The following VGF variants were observed in gnomAD, a reference collection of about 807,000 sequenced individuals.
The protein encoded by VGF is neurosecretory protein VGF.
In VGF, 13 loss-of-function variants were observed where a neutral mutation model predicts 41.1. That is an observed-to-expected ratio of 0.32 (90% CI 0.21 to 0.50). VGF has a LOEUF of 0.50. Among genes scored for constraint, VGF ranks in the 20% least tolerant of loss-of-function variants. The probability of loss-of-function intolerance (pLI) is 0.98; values close to 1 mark genes in which losing one functional copy is unlikely to be tolerated. For synonymous variants in VGF, 473 were observed against 418.3 expected (o/e 1.13, Z -1.60); for missense variants, 920 against 882.1 (o/e 1.04, Z -0.54).
At position 101,164,709 on chromosome 7, in the gene VGF, C is replaced by T. The variant is rs780902669; in HGVS notation, c.135G>A (p.Gly45=). 2.4e-5 allele frequency: 39 copies of T among 1,608,076 alleles called. No homozygotes were observed. The Admixed American group carries it at 6.6e-4, about 27-fold the overall frequency. Residue 45 remains glycine, a synonymous_variant, in exon 2 of 2, where the codon GGG becomes GGA. Transcript: ENST00000249330. ...LSSEHKEPVA[G]DAVPGPKDGS... is the part of the protein sequence containing the mutation. ...CATCCTTTGGCCCGGGCACTGCGTC[C>T]CCGGCTACCGGCTCTTTATGCTCAG...
At position 101,164,137 on chromosome 7, in the gene VGF, G is replaced by A; in HGVS notation, c.707C>T (p.Pro236Leu). 1 of 1,504,274 alleles carries A rather than the reference G, an allele frequency of 6.6e-7. No individual in the cohort carries two copies. The highest frequency in any genetic ancestry group is 1.4e-5 in the African/African-American group (1 of 71,780). The allele number at this position is 1,504,274 out of a possible 1,614,324, so 93.2% of individuals were successfully genotyped here. Residue 236 changes from proline to leucine, a missense_variant, in exon 2 of 2, where the codon CCC becomes CTC. By Grantham distance (98) the Pro-to-Leu change is moderately conservative. Transcript: ENST00000249330. ...PAPSQFQARMPDSGPLPETHK... is the reference protein window; with the variant it reads ...PAPSQFQARMLDSGPLPETHK... Reference sequence around the variant, plus strand: ...GGTTTCGGGAAGGGGCCCGCTGTCGGGCATACGCGCCTGGAATTGAGAGGG... The same window carrying A: ...GGTTTCGGGAAGGGGCCCGCTGTCGAGCATACGCGCCTGGAATTGAGAGGG...
rs1797143951 is a variant in VGF, at chr7:101,163,228, G to T, written c.1616C>A (p.Pro539Gln). 2 of 1,537,730 alleles carry T rather than the reference G, an allele frequency of 1.3e-6. No homozygotes were observed. The highest frequency in any genetic ancestry group is 1.7e-6 in the Non-Finnish European group (2 of 1,146,584). Reference sequence around the variant, plus strand: ...GGGGAAAGGGTGGTACGGCCCTGGCGGGTACACCTCGTCCTCCTCCCGATC... The same window carrying T: ...GGGGAAAGGGTGGTACGGCCCTGGCTGGTACACCTCGTCCTCCTCCCGATC... The part of the protein sequence containing the change: ...PWDREEDEVY[P>Q]PGPYHPFPNY... The change falls in exon 2 of 2, where the codon CCG becomes CAG. Residue 539 changes from proline (P) to glutamine (Q), a missense_variant. Transcript: ENST00000249330. This position sits in a 1 kb window ranked among gnomAD's most constrained non-coding sequence, Gnocchi z 5.0.
chr7:101,163,236 C>G lies in VGF; in HGVS notation c.1608G>C (p.Glu536Asp), dbSNP rs774208457. The G allele has an allele frequency of 4.6e-6, 7 of 1,530,068 alleles. No homozygotes were observed. Among genetic ancestry groups the G allele is most frequent in the Non-Finnish European group, 6.1e-6 (7 of 1,142,766 alleles). 94.8% of individuals were successfully genotyped at this position (1,530,068 alleles called of 1,614,324 possible). The change falls in exon 2 of 2, where the codon GAG becomes GAC. Residue 536 changes from glutamate to aspartate, a missense_variant. Glu to Asp is a conservative substitution (Grantham distance 45, BLOSUM62 2). This residue lies in a region of VGF where 257 missense variants were observed against 217.2 expected (regional missense o/e 1.18). Coordinates refer to ENST00000249330, the MANE Select transcript of VGF (RefSeq NM_003378.4). The surrounding 1 kb of genome is among the most constrained non-coding windows in gnomAD (Gnocchi z 5.0). ...VLPPWDREED[E>D]VYPPGPYHPF... ...GGTGGTACGGCCCTGGCGGGTACAC[C>G]TCGTCCTCCTCCCGATCCCAGGGCG...
Position 101,163,685 on chromosome 7 carries a change from C to G in VGF, c.1159G>C (p.Glu387Gln). Residue 387 changes from glutamate to glutamine, a missense_variant, in exon 2 of 2, where the codon GAG (glutamate) becomes CAG (glutamine). By Grantham distance (29) the Glu-to-Gln change is conservative. Transcript: ENST00000249330. The surrounding 1 kb of genome is among the most constrained non-coding windows in gnomAD (Gnocchi z 5.0). The stretch of plus-strand genomic sequence containing the variant: ...GCCTCCTCCGCCTCTGCCTCCGCCT[C>G]GGCCGCCTCCTCATCCTCTTCCCCC... Reference protein sequence around the residue: ...RVGEEDEEAAEAEAEAEEAER... With the variant: ...RVGEEDEEAAQAEAEAEEAER... 6.5e-7 allele frequency: 1 copy of G among 1,537,184 alleles called. No homozygotes were observed. Among genetic ancestry groups the G allele is most frequent in the Non-Finnish European group, 8.7e-7 (1 of 1,146,940 alleles).
Position 101,164,791 on chromosome 7 carries a change from T to C in VGF, c.53A>G (p.Asn18Ser), listed in dbSNP as rs1262540994. The change falls in exon 2 of 2, where the codon AAC becomes AGC. Residue 18 changes from asparagine to serine, a missense_variant. Asn to Ser is a conservative substitution (Grantham distance 46). Transcript: ENST00000249330. The stretch of plus-strand genomic sequence containing the variant: ...ACCAGGGGGTGCTGCCCCTAACCCG[T>C]TGATCAGCAGAAGGCAGAAGAGGGC... ...ASALFCLLLI[N>S]GLGAAPPGRP... 6.3e-7 allele frequency: 1 copy of C among 1,599,410 alleles called. No homozygotes were observed. The highest frequency in any genetic ancestry group is 1.7e-5 in the Admixed American group (1 of 58,904).
chr7:101,165,057 A>G, intron 1 of VGF, 194 bp from the exon 2 acceptor site: 1 of 1,274,174 alleles, frequency 7.8e-7, no homozygotes. Flanking sequence ...AAATGGGAAA[A>G]TAACCCCCGA....
In VGF at chr7:101,164,897, T is replaced by C; in HGVS notation, c.-20-34A>G. On this transcript the variant is annotated intron_variant, in intron 1 of 1. Transcript: ENST00000249330. The stretch of plus-strand genomic sequence containing the variant: ...TAGAAGGGACCAAAAAAAGAGGATT[T>C]CTGTAAGAATTCCCCTCTCTAGGTC... The C allele has an allele frequency of 2.0e-6, 3 of 1,496,656 alleles. No homozygotes were observed. The Admixed American group carries it at 7.1e-5, about 35-fold the overall frequency. The allele number at this position is 1,496,656 out of a possible 1,614,324, so 92.7% of individuals were successfully genotyped here.
At chr7:101,168,272 G>A (rs1797253458), upstream of VGF, among the ~76,000 whole-genome samples, 1 of 152,140 alleles carries the variant, frequency 6.6e-6, no homozygotes, top group South Asian at 2.1e-4. Flanking sequence ...AGGGAGCGGG[G>A]TGGATATGAA....
At chr7:101,169,326 A>G (rs1584216714), upstream of VGF, among the ~76,000 whole-genome samples, 1 of 152,020 alleles carries the variant, frequency 6.6e-6, no homozygotes, top group Non-Finnish European at 1.5e-5. Flanking sequence ...ACACTCAAAT[A>G]CACACACAGA....
chr7:101,165,786 AAATGAATGAATG>A (rs144873811), upstream of VGF, among the ~76,000 whole-genome samples: 1 of 151,974 alleles, frequency 6.6e-6, no homozygotes, highest in Non-Finnish European at 1.5e-5. Flanking sequence ...GAGCTCCGGG[AAATGAATGAATG>A]AATGAATGAA....
chr7:101,163,003 CGCCGGAGCAGCACGT>C lies in VGF; in HGVS notation c.1826_1840del (p.His609_Arg613del). The stretch of plus-strand genomic sequence containing the variant: ...CGGGACCGGGAAGGGCAGTCACGGG[CGCCGGAGCAGCACGT>C]GCTCGATGTAATTCTCCAGCTCCTC... On this transcript the variant is annotated inframe_deletion, in exon 2 of 2. Transcript: ENST00000249330. The surrounding 1 kb of genome is among the most constrained non-coding windows in gnomAD (Gnocchi z 5.0). 2 of 1,452,548 alleles carry C rather than the reference CGCCGGAGCAGCACGT, an allele frequency of 1.4e-6. No individual in the cohort carries two copies. The highest frequency in any genetic ancestry group is 1.8e-6 in the Non-Finnish European group (2 of 1,101,066). The allele number at this position is 1,452,548 out of a possible 1,614,324, so 90.0% of individuals were successfully genotyped here.
At position 101,164,624 on chromosome 7, in the gene VGF, A is replaced by G. The variant is rs759816655; in HGVS notation, c.220T>C (p.Phe74Leu). ...NSEPQDEGELFQGVDPRALAA... is the reference protein window; with the variant it reads ...NSEPQDEGELLQGVDPRALAA... Reference sequence around the variant, plus strand: ...AGCGCCCGGGGATCCACGCCCTGGAAAAGCTCTCCCTCGTCCTGCGGCTCG... The same window carrying G: ...AGCGCCCGGGGATCCACGCCCTGGAGAAGCTCTCCCTCGTCCTGCGGCTCG... Residue 74 changes from phenylalanine to leucine, a missense_variant, in exon 2 of 2, where the codon TTC (phenylalanine) becomes CTC (leucine). By Grantham distance (22) the Phe-to-Leu change is conservative. This residue lies in a region of VGF where 654 missense variants were observed against 638.4 expected (regional missense o/e 1.02). Coordinates refer to ENST00000249330, the MANE Select transcript of VGF (RefSeq NM_003378.4). 2 of 1,598,980 alleles carry G rather than the reference A, an allele frequency of 1.3e-6. No individual in the cohort carries two copies. The highest frequency in any genetic ancestry group is 4.5e-5 in the East Asian group (2 of 44,260).
chr7:101,164,067 G>T lies in VGF; in HGVS notation c.777C>A (p.Gly259=), dbSNP rs1473629279. The change falls in exon 2 of 2, where the codon GGC becomes GGA. Residue 259 remains glycine (G), a synonymous_variant. Coordinates refer to ENST00000249330, the MANE Select transcript of VGF (RefSeq NM_003378.4). ...EGVSSPKTHL[G]EALAPLSKAY... The stretch of plus-strand genomic sequence containing the variant: ...CCTTGGACAGGGGTGCCAATGCCTC[G>T]CCTAGGTGTGTTTTGGGGGAGGACA... 1.3e-6 allele frequency: 2 copies of T among 1,499,588 alleles called. No individual in the cohort carries two copies. The highest frequency in any genetic ancestry group is 1.3e-5 in the South Asian group (1 of 74,830). The allele number at this position is 1,499,588 out of a possible 1,614,324, so 92.9% of individuals were successfully genotyped here. A position where few individuals can be genotyped will look rare whatever the true frequency, so the allele number is the denominator to read the frequency against.
In VGF at chr7:101,162,766, C is replaced by T. The variant is rs1797127026; in HGVS notation, c.*230G>A. The T allele has an allele frequency of 1.6e-6, 1 of 633,118 alleles. No individual in the cohort carries two copies. Among genetic ancestry groups the T allele is most frequent in the Non-Finnish European group, 2.9e-6 (1 of 341,026 alleles). 39.2% of individuals were successfully genotyped at this position (633,118 alleles called of 1,614,324 possible). A position where few individuals can be genotyped will look rare whatever the true frequency, so the allele number is the denominator to read the frequency against. On this transcript the variant is annotated 3_prime_UTR_variant, in exon 2 of 2. Coordinates refer to ENST00000249330, the MANE Select transcript of VGF (RefSeq NM_003378.4). This position sits in a 1 kb window ranked among gnomAD's most constrained non-coding sequence, Gnocchi z 4.2. ...GCGTGGCAAGGGAACTCGCACAAAC[C>T]ACCCGCCCTCCTGGGCTGGCCCCCG...
Position 101,162,922 on chromosome 7 carries a change from A to G in VGF, c.*74T>C, listed in dbSNP as rs1584209285. 5.7e-6 allele frequency: 4 copies of G among 702,926 alleles called. No homozygotes were observed. The highest frequency in any genetic ancestry group is 6.2e-6 in the Non-Finnish European group (3 of 482,816). The allele number at this position is 702,926 out of a possible 1,614,324, so 43.5% of individuals were successfully genotyped here. On this transcript the variant is annotated 3_prime_UTR_variant, in exon 2 of 2. Transcript: ENST00000249330. The surrounding 1 kb of genome is among the most constrained non-coding windows in gnomAD (Gnocchi z 4.2). Reference sequence around the variant, plus strand: ...GGGGCGCATGCAAACACCGAGGGGGAGCGGGCAACACGGAGGGGGGCGCCG... The same window carrying G: ...GGGGCGCATGCAAACACCGAGGGGGGGCGGGCAACACGGAGGGGGGCGCCG...
At chr7:101,165,987 G>C (rs1330993727), upstream of VGF, among the ~76,000 whole-genome samples, 1 of 152,204 alleles carries the variant, frequency 6.6e-6, no homozygotes, top group African/African-American at 2.4e-5. Flanking sequence ...TTGCTGAGTG[G>C]AATAGAAAAA....
At position 101,163,185 on chromosome 7, in the gene VGF, C is replaced by T. The variant is rs546904427; in HGVS notation, c.1659G>A (p.Arg553=). The T allele has an allele frequency of 6.5e-7, 1 of 1,548,438 alleles. No homozygotes were observed. The highest frequency in any genetic ancestry group is 8.7e-7 in the Non-Finnish European group (1 of 1,154,812). Residue 553 remains arginine, a synonymous_variant, in exon 2 of 2, where the codon CGG becomes CGA. Transcript: ENST00000249330. The surrounding 1 kb of genome is among the most constrained non-coding windows in gnomAD (Gnocchi z 5.0). ...GCAAGGCCGAGGGCGGCTGCAGTGT[C>T]CGCGGCCGGATGTAGTTGGGGAAAG... ...YHPFPNYIRP[R]TLQPPSALRR...
In VGF at chr7:101,162,670, A is replaced by G. The variant is rs1797125387; in HGVS notation, c.*326T>C. ...GCTGGAGACAGACACACTTCACACAATTAACTGGAACTGCTTTTTCCGGTT... is the reference window on the plus strand; with the variant it reads ...GCTGGAGACAGACACACTTCACACAGTTAACTGGAACTGCTTTTTCCGGTT... On this transcript the variant is annotated 3_prime_UTR_variant, in exon 2 of 2. Coordinates refer to ENST00000249330, the MANE Select transcript of VGF (RefSeq NM_003378.4). This position sits in a 1 kb window ranked among gnomAD's most constrained non-coding sequence, Gnocchi z 4.2. 1 of 450,384 alleles carries G rather than the reference A, an allele frequency of 2.2e-6. No individual in the cohort carries two copies. 27.9% of individuals were successfully genotyped at this position (450,384 alleles called of 1,614,324 possible). A position where few individuals can be genotyped will look rare whatever the true frequency, so the allele number is the denominator to read the frequency against.
Position 101,163,864 on chromosome 7 carries a change from A to C in VGF, c.980T>G (p.Leu327Arg). Residue 327 changes from leucine (L) to arginine (R), a missense_variant, in exon 2 of 2, where the codon CTC becomes CGC. Physicochemically the swap from Leu to Arg is moderately radical, Grantham distance 102 (BLOSUM62 -2). Around this residue, in one of 3 missense-constraint regions of VGF, gnomAD observed 654 missense variants for 638.4 expected, o/e 1.02. Coordinates refer to ENST00000249330, the MANE Select transcript of VGF (RefSeq NM_003378.4). The surrounding 1 kb of genome is among the most constrained non-coding windows in gnomAD (Gnocchi z 5.0). ...ATACTGGAGCAGCAGGTCCGAGGCG[A>C]GGTCGGCCAGCCGCTCTTCCTGCGC... ...AAAQEERLAD[L>R]ASDLLLQYLL... 1 of 1,493,210 alleles carries C rather than the reference A, an allele frequency of 6.7e-7. No individual in the cohort carries two copies. The highest frequency in any genetic ancestry group is 8.9e-7 in the Non-Finnish European group (1 of 1,129,478). 92.5% of individuals were successfully genotyped at this position (1,493,210 alleles called of 1,614,324 possible).
Sources: gnomAD v4.1 joint callset for allele counts (sites outside exome capture counted in the v4.1 genomes callset) on GRCh38, gnomAD v4.1.1 for gene constraint, gnomAD v4.1.1 regional missense constraint, Gnocchi (gnomAD v3.1) non-coding constraint, MANE v1.5 for transcripts, NCBI Gene and HGNC (gene_info 2026-07-23, HGNC 2026-07-21) for gene names.